The following SERP2 variants were observed in gnomAD, a reference collection of about 807,000 sequenced individuals.
The protein encoded by SERP2 is stress associated endoplasmic reticulum protein family member 2, also known as stress-associated endoplasmic reticulum protein 2.
SERP2 carries 6 observed loss-of-function variants against 9.1 expected under a neutral mutation model. The ratio of observed to expected loss-of-function variants is 0.66; its 90% confidence interval spans 0.36 to 1.30. SERP2 has a LOEUF of 1.30. Among genes scored for constraint, SERP2 ranks in the 50% most tolerant of loss-of-function variants. SERP2 has a pLI of 0.03. For synonymous variants in SERP2, 37 were observed against 27.3 expected, an observed-to-expected ratio of 1.35 and a Z score of -1.10; for missense variants, 58 against 81.9, an observed-to-expected ratio of 0.71 and a Z score of 1.13.
intron 2 of SERP2, among the ~76,000 whole-genome samples, chr13:44,396,541 A>T (rs1370840731): frequency 6.6e-6 from 1 of 152,150 alleles, no homozygotes; most frequent in African/African-American, 2.4e-5. Flanking sequence ...GTGAAAAAGA[A>T]GTTGGGATCT....
chr13:44,383,921 G>A (rs1872170567), intron 2 of SERP2, among the ~76,000 whole-genome samples: 1 of 151,968 alleles, frequency 6.6e-6, no homozygotes, highest in Non-Finnish European at 1.5e-5. Flanking sequence ...TTATGGAGAG[G>A]TTAGACATGA....
At chr13:44,389,917 A>G (rs530434230) in intron 2 of SERP2, among the ~76,000 whole-genome samples, 14 of 152,336 alleles carry the variant, frequency 9.2e-5, no homozygotes, top group Middle Eastern at 3.4e-3. Context: ...CCCTGCAAAG[A>G]TGCCATTACA....
chr13:44,395,333 G>A (rs1017636913), intron 2 of SERP2, among the ~76,000 whole-genome samples: 5 of 150,838 alleles, frequency 3.3e-5, no homozygotes, highest in African/African-American at 1.2e-4. Context: ...GGCCGGGCAC[G>A]GTGGCTCACG....
intron 2 of SERP2, among the ~76,000 whole-genome samples, chr13:44,387,902 T>C (rs1872408356): frequency 6.6e-6 from 1 of 152,242 alleles, no homozygotes; most frequent in African/African-American, 2.4e-5. Flanking sequence ...CCAACCCTGA[T>C]ATTCATTTCC....
At chr13:44,385,136 C>G (rs1872239703) in intron 2 of SERP2, among the ~76,000 whole-genome samples, 2 of 152,210 alleles carry the variant, frequency 1.3e-5, no homozygotes, top group Admixed American at 1.3e-4. Flanking sequence ...GGTTAACAAG[C>G]CTGTAAAAAG....
At position 44,397,670 on chromosome 13, in the gene SERP2, C is replaced by T. The variant is rs1595060981; in HGVS notation, c.*358C>T. On this transcript the variant is annotated 3_prime_UTR_variant, in exon 3 of 3. Coordinates refer to ENST00000379179, the MANE Select transcript of SERP2 (RefSeq NM_001010897.3). The stretch of plus-strand genomic sequence containing the variant: ...ACTTTCTATGGATACAATCTCTCCT[C>T]CATTGAGAATTGATTTTACAAATAA... 1 of 310,094 alleles carries T rather than the reference C, an allele frequency of 3.2e-6. No homozygotes were observed. The allele number at this position is 310,094 out of a possible 1,614,324, so 19.2% of individuals were successfully genotyped here.
intron 2 of SERP2, chr13:44,396,052 T>C (rs902603679): frequency 1.6e-5 from 4 of 247,840 alleles, no homozygotes; most frequent in East Asian, 1.0e-4. Flanking sequence ...AAAGTTAGCA[T>C]TGAAATATGT....
intron 2 of SERP2, among the ~76,000 whole-genome samples, chr13:44,389,592 C>T (rs1043595249): frequency 6.6e-6 from 1 of 152,116 alleles, no homozygotes; most frequent in Non-Finnish European, 1.5e-5. Flanking sequence ...TGCCCATTTT[C>T]GTAGCTTTGC....
In SERP2 at chr13:44,390,525, G is replaced by T. The variant is rs185860831; in HGVS notation, c.158-6747G>T. 4.3e-4 allele frequency: 189 copies of T among 444,318 alleles called. 1 individual carries two copies. The Admixed American group carries it at 4.6e-3, about 11-fold the overall frequency. 27.5% of individuals were successfully genotyped at this position (444,318 alleles called of 1,614,324 possible). A position where few individuals can be genotyped will look rare whatever the true frequency, so the allele number is the denominator to read the frequency against. On this transcript the variant is annotated intron_variant, in intron 2 of 2. Transcript: ENST00000379179. ...TTCATCTGCTCTGGAGTTCATCCTC[G>T]GGATCTGAGATGCACAGCCTGAAGA...
At position 44,397,371 on chromosome 13, in the gene SERP2, G is replaced by C. The variant is rs900086939; in HGVS notation, c.*59G>C. ...CTGGAGGCGGGAGGACAACGGAAGC[G>C]GTCAGCCAGTTTCTGCGGGAAACAA... On this transcript the variant is annotated 3_prime_UTR_variant, in exon 3 of 3. Coordinates refer to ENST00000379179, the MANE Select transcript of SERP2 (RefSeq NM_001010897.3). 34 of 1,345,748 alleles carry C rather than the reference G, an allele frequency of 2.5e-5. No individual in the cohort carries two copies. Among genetic ancestry groups the C allele is most frequent in the Non-Finnish European group, 3.4e-5 (32 of 937,484 alleles). The allele number at this position is 1,345,748 out of a possible 1,614,324, so 83.4% of individuals were successfully genotyped here.
chr13:44,375,086 A>G (rs1871571922), intron 1 of SERP2, among the ~76,000 whole-genome samples: 1 of 152,178 alleles, frequency 6.6e-6, no homozygotes, highest in South Asian at 2.1e-4. Context: ...TTGGTCTCCA[A>G]GTATATGAGC....
intron 1 of SERP2, 42 bp downstream of exon 1, chr13:44,374,151 C>A (rs1405162388): frequency 3.3e-6 from 1 of 303,962 alleles, no homozygotes; most frequent in Non-Finnish European, 5.7e-6. Flanking sequence ...CCCTGCAGCC[C>A]GGCGGGGTGG....
At chr13:44,387,236 C>A (rs888960906) in intron 2 of SERP2, among the ~76,000 whole-genome samples, 1 of 152,160 alleles carries the variant, frequency 6.6e-6, no homozygotes, top group Admixed American at 6.5e-5. Flanking sequence ...CTAGTCACTG[C>A]TGTTTGTGCC....
intron 2 of SERP2, among the ~76,000 whole-genome samples, chr13:44,396,742 G>A (rs921724185): frequency 1.3e-5 from 2 of 152,154 alleles, no homozygotes; most frequent in Non-Finnish European, 2.9e-5. Context: ...AGAGACAGCC[G>A]CCTTTCAGAG....
chr13:44,395,486 C>T (rs1429402130), intron 2 of SERP2, among the ~76,000 whole-genome samples: 1 of 151,882 alleles, frequency 6.6e-6, no homozygotes, highest in Non-Finnish European at 1.5e-5. Flanking sequence ...CACCTGTAGT[C>T]CCAGCTACTC....
At chr13:44,397,077 G>A (rs1224367894) in intron 2 of SERP2, among the ~76,000 whole-genome samples, 195 bp from the exon 3 acceptor site, 1 of 152,220 alleles carries the variant, frequency 6.6e-6, no homozygotes, top group Admixed American at 6.5e-5. Flanking sequence ...GCATCCATCA[G>A]CCGACTGAGC....
intron 1 of SERP2, 61 bp downstream of exon 1, chr13:44,374,170 G>T (rs1279861359): frequency 1.3e-6 from 1 of 763,326 alleles, no homozygotes; most frequent in Non-Finnish European, 1.9e-6. Context: ...GGGGCGGAAG[G>T]TGGGGGCGGG....
At chr13:44,394,676 G>A (rs764037337) in intron 2 of SERP2, among the ~76,000 whole-genome samples, 1 of 152,150 alleles carries the variant, frequency 6.6e-6, no homozygotes, top group Non-Finnish European at 1.5e-5. Flanking sequence ...ATCCTTTGAG[G>A]TACCTATTAT....
At chr13:44,389,925 A>T (rs1249830909) in intron 2 of SERP2, among the ~76,000 whole-genome samples, 2 of 152,218 alleles carry the variant, frequency 1.3e-5, no homozygotes, top group African/African-American at 4.8e-5. Context: ...AGATGCCATT[A>T]CACTCATTTT....
Sources: gnomAD v4.1 joint callset for allele counts (sites outside exome capture counted in the v4.1 genomes callset) on GRCh38, gnomAD v4.1.1 for gene constraint, MANE v1.5 for transcripts, NCBI Gene and HGNC (gene_info 2026-07-23, HGNC 2026-07-21) for gene names.